SLC9A9: variants seen among roughly 807,000 people sequenced by gnomAD.
The protein encoded by SLC9A9 is sodium/hydrogen exchanger 9.
A neutral mutation model predicts 77.8 loss-of-function variants in SLC9A9; 62 were observed. The observed-to-expected ratio is 0.80, with a 90% CI of 0.65 to 0.98. SLC9A9 has a LOEUF of 0.98. Ranked by LOEUF, SLC9A9 falls within the 50% of genes least tolerant of loss-of-function variation. The pLI is 0.00. For missense variants in SLC9A9, 775 were observed against 774.9 expected (o/e 1.00, Z 0.00); for synonymous variants, 320 against 283.5 (o/e 1.13, Z -1.29).
intron 13 of SLC9A9, among the ~76,000 whole-genome samples, chr3:143,363,841 A>G (rs116514399): frequency 0.013 from 1,920 of 152,214 alleles, 16 homozygotes; most frequent in Non-Finnish European, 0.017. Flanking sequence ...AATAAAAATG[A>G]CATTTCTGCC....
chr3:143,692,550 T>G (rs1424510909), intron 5 of SLC9A9, among the ~76,000 whole-genome samples: 75 of 152,294 alleles, frequency 4.9e-4, no homozygotes, highest in Non-Finnish European at 1.2e-4. Flanking sequence ...CCAATTCTTT[T>G]TACTATTCTC....
At chr3:143,475,659 G>A (rs549066362) in intron 11 of SLC9A9, among the ~76,000 whole-genome samples, 1 of 152,038 alleles carries the variant, frequency 6.6e-6, no homozygotes, top group Non-Finnish European at 1.5e-5. Context: ...GGGCGTGGTG[G>A]TGAATGCCTG....
At chr3:143,738,876 G>T (rs1168751781) in intron 4 of SLC9A9, among the ~76,000 whole-genome samples, 2 of 152,218 alleles carry the variant, frequency 1.3e-5, no homozygotes, top group Admixed American at 1.3e-4. Flanking sequence ...GAAGGCATGT[G>T]CAGGTATGCA....
chr3:143,496,042 T>C (rs1294556839), intron 9 of SLC9A9, among the ~76,000 whole-genome samples: 2 of 152,200 alleles, frequency 1.3e-5, no homozygotes, highest in African/African-American at 4.8e-5. Context: ...CTGATGTAGG[T>C]ATATCCATTA....
intron 9 of SLC9A9, among the ~76,000 whole-genome samples, chr3:143,548,366 T>C (rs1252885580): frequency 6.6e-6 from 1 of 151,980 alleles, no homozygotes; most frequent in African/African-American, 2.4e-5. Context: ...CTGAGTGGGT[T>C]CATGGGGTCT....
intron 14 of SLC9A9, among the ~76,000 whole-genome samples, chr3:143,269,445 ATACT>A (rs1046704973): frequency 2.6e-4 from 40 of 152,348 alleles, no homozygotes; most frequent in African/African-American, 8.2e-4. Context: ...GTTTTCCAAA[ATACT>A]TACTTTTTCA....
chr3:143,823,453 A>C (rs2009221892), intron 2 of SLC9A9, among the ~76,000 whole-genome samples: 2 of 152,164 alleles, frequency 1.3e-5, no homozygotes, highest in South Asian at 4.1e-4. Flanking sequence ...TCCTCATGTC[A>C]GGCCAACAGC....
intron 9 of SLC9A9, among the ~76,000 whole-genome samples, chr3:143,519,167 C>T (rs2036252794): frequency 1.3e-5 from 2 of 152,054 alleles, no homozygotes; most frequent in Admixed American, 1.3e-4. Flanking sequence ...ATAACTTAAA[C>T]ATCTAGTATA....
rs543758879 is a variant in SLC9A9, at chr3:143,609,028, G to A, written c.756-30305C>T. On this transcript the variant is annotated intron_variant, in intron 6 of 15. Transcript: ENST00000316549. ...TGTCTATGATGCGACACGGTTCGTT[G>A]TGGGTGGTGCTCTGTAATTCCCTTA... 3.9e-5 allele frequency among the ~76,000 whole-genome samples: 6 copies of A among 152,288 alleles called. No homozygotes were observed. The South Asian group carries it at 1.2e-3, about 32-fold the overall frequency.
At chr3:143,383,714 T>C (rs2033355716) in intron 12 of SLC9A9, among the ~76,000 whole-genome samples, 1 of 152,158 alleles carries the variant, frequency 6.6e-6, no homozygotes, top group Admixed American at 6.5e-5. Context: ...GGGAGAGGTC[T>C]GGCCCAAGCT....
chr3:143,519,325 CAGTG>C (rs2036256537), intron 9 of SLC9A9, among the ~76,000 whole-genome samples: 1 of 151,944 alleles, frequency 6.6e-6, no homozygotes, highest in Non-Finnish European at 1.5e-5. Context: ...AAAAATAAAA[CAGTG>C]AGAGAGCAAG....
intron 9 of SLC9A9, among the ~76,000 whole-genome samples, chr3:143,520,554 G>A (rs12107992): frequency 0.12 from 18,497 of 152,176 alleles, 2,087 homozygotes; most frequent in East Asian, 0.43. Context: ...CTTATAACAT[G>A]CCAGGTCCTG....
intron 2 of SLC9A9, among the ~76,000 whole-genome samples, chr3:143,830,678 T>C (rs914200353): frequency 6.6e-6 from 1 of 152,130 alleles, no homozygotes; most frequent in Non-Finnish European, 1.5e-5. Context: ...ATAATTCATG[T>C]CCAGGTACTA....
intron 6 of SLC9A9, among the ~76,000 whole-genome samples, chr3:143,648,686 C>T (rs1186959609): frequency 6.6e-6 from 1 of 152,158 alleles, no homozygotes; most frequent in Non-Finnish European, 1.5e-5. Flanking sequence ...CATGTGCTTC[C>T]AATGAAGCTG....
chr3:143,369,654 T>A (rs1237436723), intron 13 of SLC9A9, among the ~76,000 whole-genome samples: 1 of 151,730 alleles, frequency 6.6e-6, no homozygotes, highest in Non-Finnish European at 1.5e-5. Flanking sequence ...ATTTTAAAAT[T>A]AAAAAAAAAT....
chr3:143,771,161 T>C (rs1408226093), intron 4 of SLC9A9, among the ~76,000 whole-genome samples: 3 of 152,184 alleles, frequency 2.0e-5, no homozygotes, highest in African/African-American at 7.2e-5. Flanking sequence ...AGTGTTCTAC[T>C]TGGAGCCTTG....
intron 4 of SLC9A9, among the ~76,000 whole-genome samples, chr3:143,730,634 T>C (rs1934777073): frequency 1.3e-5 from 2 of 152,252 alleles, no homozygotes; most frequent in Non-Finnish European, 2.9e-5. Flanking sequence ...ACTTTTCATA[T>C]GTTATTATCA....
chr3:143,317,864 A>C (rs1189367397), intron 14 of SLC9A9, among the ~76,000 whole-genome samples: 2 of 152,126 alleles, frequency 1.3e-5, no homozygotes, highest in African/African-American at 4.8e-5. Flanking sequence ...AGTAGCTGAG[A>C]CTACAGGCAC....
intron 14 of SLC9A9, among the ~76,000 whole-genome samples, chr3:143,352,437 T>C (rs1576443208): frequency 2.1e-5 from 3 of 143,546 alleles, no homozygotes; most frequent in Admixed American, 2.0e-4. Flanking sequence ...TTCAAGGAAT[T>C]CCAAGGAAAT....
Sources: gnomAD v4.1 joint callset for allele counts (sites outside exome capture counted in the v4.1 genomes callset) on GRCh38, gnomAD v4.1.1 for gene constraint, MANE v1.5 for transcripts, NCBI Gene and HGNC (gene_info 2026-07-23, HGNC 2026-07-21) for gene names.